Variants in ATRNL1 observed in about 807,000 individuals in gnomAD.
ATRNL1 encodes attractin like 1.
In ATRNL1, 95 loss-of-function variants were observed where a neutral mutation model predicts 182.7. The observed-to-expected ratio is 0.52, with a 90% confidence interval of 0.44 to 0.62. The LOEUF (loss-of-function observed/expected upper bound fraction) is 0.62, where lower values mean the gene tolerates loss of function less well. Ranked by LOEUF, ATRNL1 falls within the 20% of genes least tolerant of loss-of-function variation. The pLI is 0.00. For synonymous variants in ATRNL1, 576 were observed against 568.3 expected (o/e 1.01, Z -0.19); for missense variants, 1,471 against 1,679.5 (o/e 0.88, Z 2.17).
At chr10:115,479,300 A>G (rs1269875355) in intron 24 of ATRNL1, among the ~76,000 whole-genome samples, 2 of 151,606 alleles carry the variant, frequency 1.3e-5, no homozygotes, top group Non-Finnish European at 1.5e-5. Flanking sequence ...GGAATTCTAG[A>G]AATCGAGAAA....
chr10:115,412,384 G>A, intron 20 of ATRNL1, among the ~76,000 whole-genome samples: 1 of 152,154 alleles, frequency 6.6e-6, no homozygotes, highest in East Asian at 1.9e-4. Flanking sequence ...GTGGACCCTA[G>A]GTGCAGCCAA....
chr10:115,376,409 T>A (rs1564973757), intron 19 of ATRNL1, among the ~76,000 whole-genome samples: 1 of 152,082 alleles, frequency 6.6e-6, no homozygotes, highest in Non-Finnish European at 1.5e-5. Context: ...TGCCTTGGCC[T>A]CCCCAAGTAG....
intron 28 of ATRNL1, among the ~76,000 whole-genome samples, chr10:115,897,539 A>G (rs1361611299): frequency 6.6e-6 from 1 of 152,232 alleles, no homozygotes; most frequent in Admixed American, 6.5e-5. Context: ...TAGAGGGATC[A>G]TGGAGCTAGT....
intron 26 of ATRNL1, among the ~76,000 whole-genome samples, chr10:115,726,014 C>T (rs1231409017): frequency 1.3e-5 from 2 of 152,110 alleles, no homozygotes; most frequent in Non-Finnish European, 2.9e-5. Context: ...TGCATTATTT[C>T]TATCCCATAT....
intron 28 of ATRNL1, among the ~76,000 whole-genome samples, chr10:115,891,706 AG>A (rs1952082969): frequency 6.6e-6 from 1 of 152,060 alleles, no homozygotes; most frequent in Non-Finnish European, 1.5e-5. Flanking sequence ...TGAAATGGAC[AG>A]GTACTTCAAA....
At chr10:115,426,443 A>G (rs1480593791) in intron 21 of ATRNL1, 141 bp downstream of exon 21, 2 of 571,528 alleles carry the variant, frequency 3.5e-6, no homozygotes, top group Admixed American at 6.8e-5. Flanking sequence ...AACTTTACGT[A>G]TATTGCTAAG....
chr10:115,734,175 C>G (rs1166247315), intron 27 of ATRNL1, among the ~76,000 whole-genome samples: 1 of 134,956 alleles, frequency 7.4e-6, no homozygotes, highest in South Asian at 2.4e-4. Flanking sequence ...GTATATAACT[C>G]GATCTTACTT....
At position 115,673,631 on chromosome 10, in the gene ATRNL1, G is replaced by A. The variant is rs575198584; in HGVS notation, c.3796-53617G>A. ...AAACACTAGATAATATAAAAGTAAAGCAAATTAATATAACCAACTTCAACA... is the reference window on the plus strand; with the variant it reads ...AAACACTAGATAATATAAAAGTAAAACAAATTAATATAACCAACTTCAACA... On this transcript the variant is annotated intron_variant, in intron 26 of 28. Transcript: ENST00000355044. Among the ~76,000 whole-genome samples, 14 of 152,112 alleles carry A rather than the reference G, an allele frequency of 9.2e-5. No homozygotes were observed. The South Asian group carries it at 2.9e-3, about 32-fold the overall frequency.
chr10:115,486,889 T>C (rs1490666186), intron 24 of ATRNL1, among the ~76,000 whole-genome samples: 1 of 152,252 alleles, frequency 6.6e-6, no homozygotes, highest in African/African-American at 2.4e-5. Context: ...TTTAAGTCTT[T>C]AATCTACCTT....
chr10:115,125,430 T>C (rs1477958762), intron 3 of ATRNL1, among the ~76,000 whole-genome samples: 1 of 152,042 alleles, frequency 6.6e-6, no homozygotes, highest in Non-Finnish European at 1.5e-5. Flanking sequence ...ACTAAAGAAG[T>C]TGGGCTTTTA....
At chr10:115,137,354 C>A (rs1845560126) in intron 5 of ATRNL1, among the ~76,000 whole-genome samples, 1 of 152,238 alleles carries the variant, frequency 6.6e-6, no homozygotes, top group East Asian at 1.9e-4. Context: ...TCTCATTTAG[C>A]TCAGCACATG....
intron 9 of ATRNL1, among the ~76,000 whole-genome samples, chr10:115,219,940 A>G (rs1554897058): frequency 6.6e-6 from 1 of 152,172 alleles, no homozygotes; most frequent in Admixed American, 6.5e-5. Flanking sequence ...AAATGTGCAC[A>G]TAACATATCC....
chr10:115,439,134 T>G (rs1554965232), intron 21 of ATRNL1, among the ~76,000 whole-genome samples: 10 of 151,930 alleles, frequency 6.6e-5, no homozygotes. Context: ...ATTCATTAAG[T>G]AGAAGTGGAA....
chr10:115,309,822 C>T (rs1488017283), intron 17 of ATRNL1, among the ~76,000 whole-genome samples: 1 of 151,950 alleles, frequency 6.6e-6, no homozygotes, highest in African/African-American at 2.4e-5. Context: ...TTCCTTGTTT[C>T]CTATTTGGAT....
intron 21 of ATRNL1, among the ~76,000 whole-genome samples, chr10:115,429,809 T>C (rs1230442168): frequency 1.3e-5 from 2 of 152,186 alleles, no homozygotes; most frequent in African/African-American, 4.8e-5. Context: ...GGCTCACACC[T>C]GTAATCCCAG....
intron 27 of ATRNL1, among the ~76,000 whole-genome samples, chr10:115,833,757 AG>A (rs1950608463): frequency 6.6e-6 from 1 of 152,210 alleles, no homozygotes; most frequent in Non-Finnish European, 1.5e-5. Flanking sequence ...AATTAATTCT[AG>A]GCAATAATGT....
At chr10:115,322,090 C>T (rs1042573704) in intron 18 of ATRNL1, among the ~76,000 whole-genome samples, 5 of 151,942 alleles carry the variant, frequency 3.3e-5, no homozygotes, top group Admixed American at 6.6e-5. Flanking sequence ...TTAACATATA[C>T]ATTTTAACTT....
chr10:115,258,094 G>A (rs1214448200), intron 10 of ATRNL1, among the ~76,000 whole-genome samples: 2 of 152,102 alleles, frequency 1.3e-5, no homozygotes, highest in African/African-American at 2.4e-5. Context: ...TCTTGGGGTT[G>A]CTCTTCTTGA....
chr10:115,549,489 G>A lies in ATRNL1; in HGVS notation c.3748G>A (p.Val1250Met). 1.9e-6 allele frequency: 3 copies of A among 1,603,448 alleles called. No individual in the cohort carries two copies. The highest frequency in any genetic ancestry group is 1.7e-6 in the Non-Finnish European group (2 of 1,174,372). The change falls in exon 26 of 29, where the codon GTG becomes ATG. Residue 1250 changes from valine (V) to methionine (M), a missense_variant. By Grantham distance (21) the Val-to-Met change is conservative (BLOSUM62 1). This residue lies in a region of ATRNL1 where 437 missense variants were observed against 506.0 expected (regional missense o/e 0.86). Coordinates refer to ENST00000355044, the MANE Select transcript of ATRNL1 (RefSeq NM_207303.4). Reference protein sequence around the residue: ...CFLSLLLVAAVVWKIKQTCWA... With the variant: ...CFLSLLLVAAMVWKIKQTCWA... ...CCTATCCTTATTGCTGGTGGCTGCT[G>A]TGGTATGGAAGATCAAACAAACTTG...
Sources: allele counts gnomAD v4.1 joint callset (sites outside exome capture counted in the v4.1 genomes callset), GRCh38; gene constraint gnomAD v4.1.1; regional missense constraint gnomAD v4.1.1; transcripts MANE v1.5; gene names NCBI Gene and HGNC (gene_info 2026-07-23, HGNC 2026-07-21).